Variants in ST8SIA4 observed in about 807,000 individuals in gnomAD.
The protein encoded by ST8SIA4 is ST8 alpha-N-acetyl-neuraminide alpha-2,8-sialyltransferase 4.
In ST8SIA4, 15 loss-of-function variants were observed where a neutral mutation model predicts 33.9. The observed-to-expected ratio is 0.44, with a 90% CI of 0.30 to 0.68. The LOEUF is 0.68. ST8SIA4 is among the 30% of genes least tolerant of loss of function. ST8SIA4 has a pLI of 0.10. For synonymous variants in ST8SIA4, 171 were observed against 151.2 expected (o/e 1.13, Z -0.96); for missense variants, 321 against 428.0 (o/e 0.75, Z 2.21).
At chr5:100,834,186 T>C (rs1751317649) in intron 4 of ST8SIA4, among the ~76,000 whole-genome samples, 1 of 152,130 alleles carries the variant, frequency 6.6e-6, no homozygotes, top group South Asian at 2.1e-4. Flanking sequence ...CCATTTTTAA[T>C]AGAATTAGAC....
At chr5:100,838,897 A>G (rs1314936344) in intron 4 of ST8SIA4, among the ~76,000 whole-genome samples, 1 of 152,060 alleles carries the variant, frequency 6.6e-6, no homozygotes, top group East Asian at 1.9e-4. Context: ...AAATGGTGGC[A>G]TTCAGTTTCC....
intron 4 of ST8SIA4, among the ~76,000 whole-genome samples, chr5:100,854,194 C>T (rs1207370782): frequency 6.6e-6 from 1 of 151,506 alleles, no homozygotes; most frequent in South Asian, 2.1e-4. Flanking sequence ...AAGGCGGTGA[C>T]TTACTCTCCA....
chr5:100,844,472 G>T (rs1401992874), intron 4 of ST8SIA4, among the ~76,000 whole-genome samples: 1 of 151,902 alleles, frequency 6.6e-6, no homozygotes, highest in African/African-American at 2.4e-5. Flanking sequence ...ACATTGATGA[G>T]GGGAGGCTGC....
intron 4 of ST8SIA4, among the ~76,000 whole-genome samples, chr5:100,843,438 T>C (rs1161424112): frequency 1.3e-5 from 2 of 151,902 alleles, no homozygotes; most frequent in Non-Finnish European, 2.9e-5. Context: ...CACTGGAAGA[T>C]GGTTTGGAGG....
At chr5:100,885,198 G>T in intron 3 of ST8SIA4, 1 of 248,228 alleles carries the variant, frequency 4.0e-6, no homozygotes, top group Non-Finnish European at 6.4e-6. Flanking sequence ...GTATCTACTT[G>T]TTCACAAGGT....
intron 3 of ST8SIA4, among the ~76,000 whole-genome samples, chr5:100,858,999 G>A (rs1751875860): frequency 6.6e-6 from 1 of 152,016 alleles, no homozygotes; most frequent in Admixed American, 6.6e-5. Context: ...GTAATACAAT[G>A]TCCACATGTT....
At chr5:100,826,686 T>C (rs573904652) in intron 4 of ST8SIA4, among the ~76,000 whole-genome samples, 2 of 152,232 alleles carry the variant, frequency 1.3e-5, no homozygotes, top group African/African-American at 4.8e-5. Flanking sequence ...TAATGAATTA[T>C]TAAAATCAAG....
rs368540413 is a variant in ST8SIA4 at position 100,881,389 on chromosome 5, C to A, written c.503+4954G>T. Among the ~76,000 whole-genome samples the A allele has an allele frequency of 2.0e-5, 3 of 152,222 alleles. No individual in the cohort carries two copies. The South Asian group carries it at 6.2e-4, about 32-fold the overall frequency. On this transcript the variant is annotated intron_variant, in intron 3 of 4. Coordinates refer to ENST00000231461, the MANE Select transcript of ST8SIA4 (RefSeq NM_005668.6). Reference sequence around the variant, plus strand: ...TCATCCGTTCTCTGAGAAGAGAAAGCGCCTGGGAAATACCAATGAGAGAAA... The same window carrying A: ...TCATCCGTTCTCTGAGAAGAGAAAGAGCCTGGGAAATACCAATGAGAGAAA...
intron 4 of ST8SIA4, among the ~76,000 whole-genome samples, chr5:100,843,472 C>G (rs1751508823): frequency 6.6e-6 from 1 of 151,890 alleles, no homozygotes; most frequent in South Asian, 2.1e-4. Flanking sequence ...CAGGTAAGAA[C>G]TGAGTGTTTG....
At chr5:100,880,004 G>C (rs940210577) in intron 3 of ST8SIA4, among the ~76,000 whole-genome samples, 3 of 152,114 alleles carry the variant, frequency 2.0e-5, no homozygotes, top group Non-Finnish European at 2.9e-5. Flanking sequence ...ATTGAAGTTT[G>C]TATAAGGGAT....
chr5:100,897,064 G>A (rs910468007), intron 1 of ST8SIA4, among the ~76,000 whole-genome samples: 12 of 152,120 alleles, frequency 7.9e-5, no homozygotes, highest in Non-Finnish European at 1.8e-4. Context: ...GCATGTAAAA[G>A]TAATTTTTCA....
chr5:100,860,623 C>T (rs1751916033), intron 3 of ST8SIA4, among the ~76,000 whole-genome samples: 1 of 152,116 alleles, frequency 6.6e-6, no homozygotes, highest in African/African-American at 2.4e-5. Flanking sequence ...ATCAACTTCA[C>T]TTTTAGATGA....
In ST8SIA4 at chr5:100,864,161, C is replaced by T. The variant is rs1278493163; in HGVS notation, c.504-7765G>A. Among the ~76,000 whole-genome samples, 9 of 152,126 alleles carry T rather than the reference C, an allele frequency of 5.9e-5. No homozygotes were observed. The East Asian group carries it at 1.3e-3, about 23-fold the overall frequency. Reference sequence around the variant, plus strand: ...TCATAAAGACAACAATTTGTAAATACTTTTATCAATTAAAAAGAAATTCTA... The same window carrying T: ...TCATAAAGACAACAATTTGTAAATATTTTTATCAATTAAAAAGAAATTCTA... On this transcript the variant is annotated intron_variant, in intron 3 of 4. Transcript: ENST00000231461.
intron 3 of ST8SIA4, among the ~76,000 whole-genome samples, chr5:100,873,221 C>T (rs1177073679): frequency 6.6e-6 from 1 of 151,408 alleles, no homozygotes; most frequent in Non-Finnish European, 1.5e-5. Context: ...GGAAAGTAGT[C>T]AAGGAGAGAA....
chr5:100,868,252 A>G (rs987942191), intron 3 of ST8SIA4, among the ~76,000 whole-genome samples: 14 of 152,116 alleles, frequency 9.2e-5, no homozygotes, highest in African/African-American at 3.4e-4. Flanking sequence ...CAATTTTGAA[A>G]GAATAAAAAA....
At chr5:100,885,994 A>G in intron 3 of ST8SIA4, 1 of 932,960 alleles carries the variant, frequency 1.1e-6, no homozygotes, top group Non-Finnish European at 1.3e-6. Flanking sequence ...TCTTTATACA[A>G]CAAATAAAAT....
intron 4 of ST8SIA4, among the ~76,000 whole-genome samples, chr5:100,851,589 G>A (rs1045948010): frequency 5.3e-5 from 8 of 151,878 alleles, no homozygotes; most frequent in African/African-American, 1.9e-4. Flanking sequence ...CATATGATTC[G>A]AGTTGTAGAG....
Position 100,811,526 on chromosome 5 carries a change from A to G in ST8SIA4, c.*321T>C. ...TAATATGCTTGGTGTTGCTGTGGGC[A>G]GCCTGACAGTGATGAACATATTTGC... On this transcript the variant is annotated 3_prime_UTR_variant, in exon 5 of 5. Coordinates refer to ENST00000231461, the MANE Select transcript of ST8SIA4 (RefSeq NM_005668.6). 5.2e-6 allele frequency: 1 copy of G among 190,636 alleles called. No homozygotes were observed. Among genetic ancestry groups the G allele is most frequent in the Non-Finnish European group, 1.1e-5 (1 of 92,140 alleles). 11.8% of individuals were successfully genotyped at this position (190,636 alleles called of 1,614,324 possible). A position where few individuals can be genotyped will look rare whatever the true frequency, so the allele number is the denominator to read the frequency against.
intron 1 of ST8SIA4, among the ~76,000 whole-genome samples, chr5:100,896,042 A>G (rs748339576): frequency 6.6e-6 from 1 of 152,084 alleles, no homozygotes; most frequent in Non-Finnish European, 1.5e-5. Context: ...TACTTAAAGA[A>G]AAAAAATCAC....
Sources: gnomAD v4.1 joint callset for allele counts (sites outside exome capture counted in the v4.1 genomes callset) on GRCh38, gnomAD v4.1.1 for gene constraint, MANE v1.5 for transcripts, NCBI Gene and HGNC (gene_info 2026-07-23, HGNC 2026-07-21) for gene names.